TRMT10A: variants seen among roughly 807,000 people sequenced by gnomAD.
TRMT10A encodes the protein tRNA methyltransferase 10A, also known as tRNA methyltransferase 10 homolog A.
A neutral mutation model predicts 40.4 loss-of-function variants in TRMT10A; 37 were observed. The ratio of observed to expected loss-of-function variants is 0.92; its 90% CI spans 0.71 to 1.21. The LOEUF is 1.21. Among genes scored for constraint, TRMT10A ranks in the 50% most tolerant of loss-of-function variants. The probability of loss-of-function intolerance (pLI) is 0.00; values close to 1 mark genes in which losing one functional copy is unlikely to be tolerated. For synonymous variants in TRMT10A, 103 were observed against 134.1 expected (o/e 0.77, Z 1.60); for missense variants, 388 against 404.3 (o/e 0.96, Z 0.35).
At chr4:99,550,215 G>C (rs1447396075) in intron 7 of TRMT10A, among the ~76,000 whole-genome samples, 1 of 152,084 alleles carries the variant, frequency 6.6e-6, no homozygotes, top group African/African-American at 2.4e-5. Flanking sequence ...TTTGAGACAA[G>C]GTCTCACTCT....
At chr4:99,549,766 T>G (rs917648674) in intron 7 of TRMT10A, among the ~76,000 whole-genome samples, 103 of 152,226 alleles carry the variant, frequency 6.8e-4, no homozygotes, top group Non-Finnish European at 1.8e-4. Context: ...CTGCTTTTTT[T>G]TCTTTTGTTT....
rs1298010328 is a variant in TRMT10A at position 99,559,288 on chromosome 4, T to C, written c.51A>G (p.Lys17=). 2 of 1,613,132 alleles carry C rather than the reference T, an allele frequency of 1.2e-6. No individual in the cohort carries two copies. The highest frequency in any genetic ancestry group is 1.7e-6 in the Non-Finnish European group (2 of 1,179,434). ...PAFIETSNVD[K]KQGINEDQEE... ...CTTGATCTTCATTTATGCCTTGCTT[T>C]TTGTCAACATTAGAAGTTTCAATAA... Residue 17 remains lysine (K), a synonymous_variant, in exon 2 of 8, where the codon AAA becomes AAG. Transcript: ENST00000394876.
At chr4:99,559,456 A>G in intron 1 of TRMT10A, 95 bp from the exon 2 acceptor site, 1 of 803,716 alleles carries the variant, frequency 1.2e-6, no homozygotes, top group South Asian at 2.4e-5. Context: ...AATATAAATA[A>G]AACTTTAGAC....
rs1578200080 is a variant in TRMT10A, at chr4:99,546,948, A to G, written c.*2140T>C. On this transcript the variant is annotated 3_prime_UTR_variant, in exon 8 of 8. Transcript: ENST00000394876. ...TAATCTTCACCTTCTTGCCACCAAC[A>G]TCCTAGATAAGATATGGGCCTGTAG... The G allele has an allele frequency of 6.6e-6, 1 of 152,056 alleles. No homozygotes were observed. The highest frequency in any genetic ancestry group is 2.1e-4 in the South Asian group (1 of 4,818). The allele number at this position is 152,056 out of a possible 1,614,324, so 9.4% of individuals were successfully genotyped here.
At chr4:99,553,722 C>T (rs1438033136) in intron 6 of TRMT10A, 63 bp downstream of exon 6, 21 of 1,488,662 alleles carry the variant, frequency 1.4e-5, no homozygotes, top group Non-Finnish European at 1.9e-5. Context: ...TTGTTACTTT[C>T]AGGAAATGGT....
chr4:99,547,295 G>A lies in TRMT10A; in HGVS notation c.*1793C>T, dbSNP rs1472141635. On this transcript the variant is annotated 3_prime_UTR_variant, in exon 8 of 8. Coordinates refer to ENST00000394876, the MANE Select transcript of TRMT10A (RefSeq NM_001134665.3). ...GAAGTATTCTTTCCTAGGGCCTAAG[G>A]AGGAAGCATGGCACTGGGACATTGT... 1.3e-5 allele frequency: 2 copies of A among 152,086 alleles called. No homozygotes were observed. The highest frequency in any genetic ancestry group is 3.9e-4 in the East Asian group (2 of 5,190). The allele number at this position is 152,086 out of a possible 1,614,324, so 9.4% of individuals were successfully genotyped here.
chr4:99,557,230 G>T (rs1724195710), intron 4 of TRMT10A, 115 bp downstream of exon 4: 4 of 982,578 alleles, frequency 4.1e-6, no homozygotes, highest in Non-Finnish European at 5.8e-6. Flanking sequence ...TTTCACATAG[G>T]CATTAAACAA....
intron 1 of TRMT10A, 149 bp from the exon 2 acceptor site, chr4:99,559,510 A>C: frequency 1.6e-6 from 1 of 608,664 alleles, no homozygotes; most frequent in Admixed American, 3.2e-5. Context: ...AATACCATTT[A>C]ATATCAATTA....
At chr4:99,563,812 G>A (rs567464950) in intron 1 of TRMT10A, 101 bp downstream of exon 1, 24 of 620,194 alleles carry the variant, frequency 3.9e-5, no homozygotes, top group South Asian at 3.6e-4. Context: ...CCTCTCCCCC[G>A]GAAGCCCTTG....
intron 7 of TRMT10A, among the ~76,000 whole-genome samples, chr4:99,550,544 G>T (rs2110182662): frequency 6.6e-6 from 1 of 152,076 alleles, no homozygotes; most frequent in East Asian, 1.9e-4. Flanking sequence ...ATAAAGGAGA[G>T]AAAATATCCC....
Position 99,564,019 on chromosome 4 carries a change from C to G in TRMT10A, c.-130G>C, listed in dbSNP as rs1724584141. On this transcript the variant is annotated 5_prime_UTR_variant, in exon 1 of 8. Transcript: ENST00000394876. Reference sequence around the variant, plus strand: ...CCACAGAAACTTCAATTCCCAGAGGCAGGGGCGGTAGTTACGCAGTGGAGG... The same window carrying G: ...CCACAGAAACTTCAATTCCCAGAGGGAGGGGCGGTAGTTACGCAGTGGAGG... The G allele has an allele frequency of 1.0e-5, 15 of 1,496,912 alleles. No individual in the cohort carries two copies. In the South Asian group the frequency reaches 1.4e-4, roughly 14 times the overall value. The allele number at this position is 1,496,912 out of a possible 1,614,324, so 92.7% of individuals were successfully genotyped here. A position where few individuals can be genotyped will look rare whatever the true frequency, so the allele number is the denominator to read the frequency against.
intron 5 of TRMT10A, 90 bp from the exon 6 acceptor site, chr4:99,554,024 C>T (rs1394260708): frequency 7.6e-7 from 1 of 1,322,834 alleles, no homozygotes; most frequent in African/African-American, 1.5e-5. Context: ...AAAACAAATC[C>T]ATTCAAAAAT....
At chr4:99,554,076 T>C in intron 5 of TRMT10A, 142 bp from the exon 6 acceptor site, 1 of 802,276 alleles carries the variant, frequency 1.2e-6, no homozygotes, top group Non-Finnish European at 1.9e-6. Context: ...CAATGCATTA[T>C]TTTGAATTTA....
In TRMT10A at chr4:99,558,096, G is replaced by A. The variant is rs768144231; in HGVS notation, c.301C>T (p.Leu101Phe). The change falls in exon 3 of 8, where the codon CTT becomes TTT. Residue 101 changes from leucine to phenylalanine, a missense_variant. Leu to Phe is a conservative substitution (Grantham distance 22). Transcript: ENST00000394876. ...AAACTACAGTCAATAATAAGGCGAA[G>A]GGTGCTATGAACAACATCTCTTCGA... ...RVRRDVVHST[L>F]RLIIDCSFDH... is the part of the protein sequence containing the mutation. 12 of 1,611,098 alleles carry A rather than the reference G, an allele frequency of 7.4e-6. No individual in the cohort carries two copies. Among genetic ancestry groups the A allele is most frequent in the Non-Finnish European group, 9.3e-6 (11 of 1,178,948 alleles).
chr4:99,560,609 T>C (rs1724349908), intron 1 of TRMT10A, among the ~76,000 whole-genome samples: 2 of 152,006 alleles, frequency 1.3e-5, no homozygotes, highest in Non-Finnish European at 2.9e-5. Context: ...GAAAGTAAGG[T>C]AAGCATTCAA....
intron 7 of TRMT10A, among the ~76,000 whole-genome samples, chr4:99,550,063 G>A (rs552332131): frequency 5.3e-5 from 8 of 151,716 alleles, no homozygotes; most frequent in Admixed American, 1.3e-4. Flanking sequence ...GGCAAAGACC[G>A]GTACAAGGAT....
At position 99,550,933 on chromosome 4, in the gene TRMT10A, CA is replaced by C; in HGVS notation, c.702del (p.Gly235GlufsTer4). ...CGACTATTCATCTTCACAAAATTTC[CA>C]AGTGGGAGCTGTGCATGATTGATTC... ...DYGINHAQLP[L>X]GNFVKMNSRK... is the part of the protein sequence containing the mutation. On this transcript the variant is annotated frameshift_variant, in exon 7 of 8. Coordinates refer to ENST00000394876, the MANE Select transcript of TRMT10A (RefSeq NM_001134665.3). LOFTEE classifies it high-confidence loss of function. 1 of 1,613,116 alleles carries C rather than the reference CA, an allele frequency of 6.2e-7. No individual in the cohort carries two copies. The highest frequency in any genetic ancestry group is 1.1e-5 in the South Asian group (1 of 90,990).
chr4:99,562,515 CTTTTTTTTTTTT>C (rs67816425), intron 1 of TRMT10A, among the ~76,000 whole-genome samples: 9 of 76,664 alleles, frequency 1.2e-4, no homozygotes, highest in African/African-American at 2.4e-4. Flanking sequence ...AAAGGAATGC[CTTTTTTTTTTTT>C]TTTTTTTTTT....
intron 6 of TRMT10A, among the ~76,000 whole-genome samples, chr4:99,551,922 GA>G (rs201043353): frequency 3.4e-5 from 5 of 146,310 alleles, no homozygotes; most frequent in East Asian, 2.0e-4. Context: ...AAAAAAAGAG[GA>G]AAATTTTTTT....
Sources: gnomAD v4.1 joint callset for allele counts (sites outside exome capture counted in the v4.1 genomes callset) on GRCh38, gnomAD v4.1.1 for gene constraint, MANE v1.5 for transcripts, NCBI Gene and HGNC (gene_info 2026-07-23, HGNC 2026-07-21) for gene names.